CSMD1: variants seen among roughly 807,000 people sequenced by gnomAD.
The protein encoded by CSMD1 is CUB and sushi domain-containing protein 1.
CSMD1 carries 213 observed loss-of-function variants against 417.5 expected under a neutral mutation model. The ratio of observed to expected loss-of-function variants is 0.51; its 90% confidence interval spans 0.46 to 0.57. The LOEUF is 0.57. Among genes scored for constraint, CSMD1 ranks in the 20% least tolerant of loss-of-function variants. The pLI is 0.00. For missense variants in CSMD1, 6,923 were observed against 4,529.7 expected (o/e 1.53, Z -15.17); for synonymous variants, 2,862 against 1,736.8 (o/e 1.65, Z -16.11).
chr8:4,617,054 TTA>T (rs1801510723), intron 2 of CSMD1, among the ~76,000 whole-genome samples: 1 of 152,100 alleles, frequency 6.6e-6, no homozygotes, highest in African/African-American at 2.4e-5. Context: ...TAGTTTAATC[TTA>T]TTTTTATAAA....
intron 3 of CSMD1, among the ~76,000 whole-genome samples, chr8:4,344,634 GGTTT>G (rs1223543747): frequency 2.0e-5 from 3 of 151,628 alleles, no homozygotes; most frequent in African/African-American, 4.8e-5. Flanking sequence ...CTCAAAGGAA[GGTTT>G]GTTTAAAAGC....
At chr8:3,417,904 A>C (rs537917700) in intron 12 of CSMD1, among the ~76,000 whole-genome samples, 2 of 152,324 alleles carry the variant, frequency 1.3e-5, no homozygotes, top group East Asian at 1.9e-4. Flanking sequence ...ACTGAAAACC[A>C]TATGACACAG....
At chr8:4,338,221 C>T (rs1037473190) in intron 3 of CSMD1, among the ~76,000 whole-genome samples, 1 of 152,100 alleles carries the variant, frequency 6.6e-6, no homozygotes, top group Non-Finnish European at 1.5e-5. Flanking sequence ...ATAGTTCTTG[C>T]ATATTTCTAA....
At chr8:4,247,004 C>G (rs554984661) in intron 3 of CSMD1, among the ~76,000 whole-genome samples, 24 of 152,302 alleles carry the variant, frequency 1.6e-4, no homozygotes, top group African/African-American at 5.1e-4. Context: ...TTATAAAACA[C>G]TCAGCGCCCC....
At chr8:3,007,269 AAAC>A (rs1232637117) in intron 52 of CSMD1, among the ~76,000 whole-genome samples, 1 of 151,530 alleles carries the variant, frequency 6.6e-6, no homozygotes, top group Admixed American at 6.6e-5. Context: ...AAAAGTCAGG[AAAC>A]AACAGGTGCT....
At position 3,290,451 on chromosome 8, in the gene CSMD1, A is replaced by G. The variant is rs1472938561; in HGVS notation, c.3951-6105T>C. 2.1e-5 allele frequency among the ~76,000 whole-genome samples: 3 copies of G among 142,242 alleles called. 1 individual carries two copies. Among genetic ancestry groups the G allele is most frequent in the African/African-American group, 8.8e-5 (3 of 34,014 alleles). 93.3% of individuals were successfully genotyped at this position (142,242 alleles called of 152,430 possible). On this transcript the variant is annotated intron_variant, in intron 25 of 69. Coordinates refer to ENST00000635120, the MANE Select transcript of CSMD1 (RefSeq NM_033225.6). ...CATTTTCACAATATTGATTCTTCCT[A>G]CCTATGAGCATGGAATGTTCTTCCA...
At chr8:4,786,476 G>A (rs1206771687) in intron 1 of CSMD1, among the ~76,000 whole-genome samples, 1 of 152,188 alleles carries the variant, frequency 6.6e-6, no homozygotes, top group Non-Finnish European at 1.5e-5. Flanking sequence ...GAACACCACA[G>A]ATATCTCATT....
At chr8:3,623,104 T>C (rs200651780) in intron 7 of CSMD1, among the ~76,000 whole-genome samples, 1 of 152,232 alleles carries the variant, frequency 6.6e-6, no homozygotes, top group Non-Finnish European at 1.5e-5. Context: ...AAGAAAGATA[T>C]GTAATTATGC....
At chr8:4,704,997 G>A (rs987618260) in intron 1 of CSMD1, among the ~76,000 whole-genome samples, 1 of 152,142 alleles carries the variant, frequency 6.6e-6, no homozygotes, top group African/African-American at 2.4e-5. Flanking sequence ...ACGTGTTGAG[G>A]AAGCGTCCTG....
At chr8:4,330,707 T>A (rs535786453) in intron 3 of CSMD1, among the ~76,000 whole-genome samples, 2 of 152,300 alleles carry the variant, frequency 1.3e-5, no homozygotes, top group Admixed American at 1.3e-4. Context: ...TTTCTGTAGG[T>A]TGAGGATACC....
At chr8:3,982,674 G>C (rs926820573) in intron 5 of CSMD1, among the ~76,000 whole-genome samples, 5 of 152,174 alleles carry the variant, frequency 3.3e-5, no homozygotes, top group South Asian at 4.2e-4. Context: ...CTGAGACCAG[G>C]GTGGCGGACC....
chr8:3,190,119 G>C lies in CSMD1; in HGVS notation c.5195-4C>G, dbSNP rs1796323234. 2.5e-6 allele frequency: 4 copies of C among 1,579,266 alleles called. No homozygotes were observed. The highest frequency in any genetic ancestry group is 3.4e-6 in the Non-Finnish European group (4 of 1,162,376). On this transcript the variant is annotated splice_polypyrimidine_tract_variant and splice_region_variant and intron_variant, in intron 33 of 69. Coordinates refer to ENST00000635120, the MANE Select transcript of CSMD1 (RefSeq NM_033225.6). ...GTGTCACTGGTACGAGGAACAGCTA[G>C]AAGCAAAGTACAGAACACAGCCGTC... is the stretch of plus-strand genomic sequence containing the variant.
intron 3 of CSMD1, among the ~76,000 whole-genome samples, chr8:4,207,107 T>C (rs187694511): frequency 3.0e-4 from 46 of 152,312 alleles, no homozygotes; most frequent in African/African-American, 9.6e-4. Flanking sequence ...TTTTCTCATT[T>C]TCTAAATAGT....
intron 21 of CSMD1, among the ~76,000 whole-genome samples, chr8:3,352,382 A>T (rs1406430613): frequency 2.6e-5 from 4 of 152,238 alleles, no homozygotes; most frequent in Admixed American, 2.6e-4. Context: ...TTGACTTGTG[A>T]CACAAATTCT....
In CSMD1 at chr8:3,797,047, G is replaced by A. The variant is rs367931549; in HGVS notation, c.819-43005C>T. 2.0e-4 allele frequency among the ~76,000 whole-genome samples: 30 copies of A among 151,948 alleles called. No homozygotes were observed. In the East Asian group the frequency reaches 4.0e-3, roughly 21 times the overall value. ...AATTTAAAAATATATCAGCACATACGTGGTAGGGCAATGTATCACTTATTA... is the reference window on the plus strand; with the variant it reads ...AATTTAAAAATATATCAGCACATACATGGTAGGGCAATGTATCACTTATTA... On this transcript the variant is annotated intron_variant, in intron 5 of 69. Transcript: ENST00000635120.
chr8:3,009,941 G>A (rs1808252797), intron 52 of CSMD1, among the ~76,000 whole-genome samples: 2 of 152,188 alleles, frequency 1.3e-5, no homozygotes, highest in Admixed American at 6.5e-5. Context: ...CATTTGGACT[G>A]TCTTTGGGGC....
chr8:4,017,665 T>G (rs539175701), intron 4 of CSMD1, among the ~76,000 whole-genome samples: 1 of 151,862 alleles, frequency 6.6e-6, no homozygotes, highest in African/African-American at 2.4e-5. Flanking sequence ...AATTAAGAAT[T>G]TTTTTTTTCA....
chr8:4,599,223 G>C (rs567860019), intron 2 of CSMD1, among the ~76,000 whole-genome samples: 5 of 152,214 alleles, frequency 3.3e-5, no homozygotes, highest in South Asian at 2.1e-4. Context: ...GATTCAGATA[G>C]GACAAAATGA....
intron 42 of CSMD1, among the ~76,000 whole-genome samples, chr8:3,111,693 G>A (rs1306646743): frequency 1.3e-5 from 2 of 152,068 alleles, no homozygotes; most frequent in African/African-American, 2.4e-5. Flanking sequence ...TCAGCCAGGC[G>A]TGGTGGTGCA....
Sources: allele counts gnomAD v4.1 joint callset (sites outside exome capture counted in the v4.1 genomes callset), GRCh38; gene constraint gnomAD v4.1.1; transcripts MANE v1.5; gene names NCBI Gene and HGNC (gene_info 2026-07-23, HGNC 2026-07-21).